Variants in KALRN observed in about 807,000 individuals in gnomAD.
The protein encoded by KALRN is kalirin RhoGEF kinase.
Under a neutral mutation model 353.7 loss-of-function variants are expected in KALRN, and 70 were observed. That is an observed-to-expected ratio of 0.20 (90% CI 0.16 to 0.24). The LOEUF is 0.24. Ranked by LOEUF, KALRN falls within the 10% of genes least tolerant of loss-of-function variation. KALRN has a pLI of 1.00. For synonymous variants in KALRN, 1,391 were observed against 1,434.8 expected (o/e 0.97, Z 0.69); for missense variants, 2,791 against 3,756.7 (o/e 0.74, Z 6.72).
At chr3:124,468,929 C>T (rs566328352) in intron 25 of KALRN, among the ~76,000 whole-genome samples, 2 of 152,282 alleles carry the variant, frequency 1.3e-5, no homozygotes, top group Admixed American at 6.5e-5. Flanking sequence ...TGATTATAGA[C>T]GTTAGGGAAT....
At chr3:124,379,617 G>T (rs1354648643) in intron 10 of KALRN, among the ~76,000 whole-genome samples, 3 of 152,132 alleles carry the variant, frequency 2.0e-5, no homozygotes, top group Non-Finnish European at 2.9e-5. Context: ...GACCCTTCTG[G>T]GTACTCCATC....
intron 14 of KALRN, among the ~76,000 whole-genome samples, chr3:124,417,498 T>C (rs1411062218): frequency 6.6e-6 from 1 of 152,224 alleles, no homozygotes; most frequent in African/African-American, 2.4e-5. Flanking sequence ...AAGTTCTCTC[T>C]TTATACAAGG....
chr3:124,314,845 G>T (rs115226672), intron 6 of KALRN, among the ~76,000 whole-genome samples: 3,709 of 152,178 alleles, frequency 0.024, 69 homozygotes, highest in Non-Finnish European at 0.038. Flanking sequence ...TGTAGATACA[G>T]GGTCTCACTA....
At chr3:124,463,783 C>T (rs543251043) in intron 25 of KALRN, among the ~76,000 whole-genome samples, 12 of 152,272 alleles carry the variant, frequency 7.9e-5, no homozygotes, top group Middle Eastern at 3.4e-3. Flanking sequence ...AGTCACTCCT[C>T]TCTCTTCACC....
At chr3:124,483,637 G>A (rs2062225701) in intron 28 of KALRN, among the ~76,000 whole-genome samples, 1 of 152,104 alleles carries the variant, frequency 6.6e-6, no homozygotes, top group Non-Finnish European at 1.5e-5. Flanking sequence ...TCGAGGCCAG[G>A]GTGGCACCTA....
At chr3:124,492,646 A>G (rs1396981901) in intron 31 of KALRN, 94 bp from the exon 32 acceptor site, 3 of 1,315,736 alleles carry the variant, frequency 2.3e-6, no homozygotes, top group Non-Finnish European at 3.1e-6. Context: ...GAATCCTTGA[A>G]AATAACAGAT....
chr3:124,192,333 A>G (rs1321703625), intron 1 of KALRN, among the ~76,000 whole-genome samples: 1 of 152,074 alleles, frequency 6.6e-6, no homozygotes, highest in African/African-American at 2.4e-5. Context: ...AAACAATTAA[A>G]CTCATGAACA....
intron 37 of KALRN, among the ~76,000 whole-genome samples, chr3:124,640,564 A>G (rs982038195): frequency 6.6e-6 from 1 of 152,124 alleles, no homozygotes; most frequent in Non-Finnish European, 1.5e-5. Flanking sequence ...GATTACAGTC[A>G]TGAGCCACCA....
rs772974571 is a variant in KALRN, at chr3:124,269,166, C to A, written c.880C>A (p.Arg294=). Residue 294 remains arginine, a synonymous_variant, in exon 5 of 60, where the codon CGG becomes AGG. Coordinates refer to ENST00000682506, the MANE Select transcript of KALRN (RefSeq NM_001388419.1). The part of the protein sequence containing the change: ...TSLLDKLHST[R]QHLHQMWHVR... ...TCTCCTGGACAAGCTGCACTCCACC[C>A]GGCAGCACCTGCACCAGATGTGGCA... 1.2e-6 allele frequency: 2 copies of A among 1,613,086 alleles called. No individual in the cohort carries two copies. Among genetic ancestry groups the A allele is most frequent in the African/African-American group, 1.3e-5 (1 of 75,046 alleles).
chr3:124,162,631 T>G (rs1467629490), intron 1 of KALRN: 1 of 152,226 alleles, frequency 6.6e-6, no homozygotes, highest in Non-Finnish European at 1.5e-5. Context: ...GGGGCCATTA[T>G]CCGATTTATA....
At chr3:124,353,537 T>C (rs1308275600) in intron 10 of KALRN, among the ~76,000 whole-genome samples, 1 of 152,148 alleles carries the variant, frequency 6.6e-6, no homozygotes, top group East Asian at 1.9e-4. Context: ...CTTTAGGATT[T>C]TCAAGGGGCA....
chr3:124,582,811 C>T (rs2074760500), intron 34 of KALRN, among the ~76,000 whole-genome samples: 1 of 151,944 alleles, frequency 6.6e-6, no homozygotes, highest in Non-Finnish European at 1.5e-5. Context: ...CTCTGTTGCC[C>T]AGGCTGGAGT....
At chr3:124,701,363 A>C (rs2062320717) in intron 56 of KALRN, among the ~76,000 whole-genome samples, 1 of 148,512 alleles carries the variant, frequency 6.7e-6, no homozygotes, top group East Asian at 2.0e-4. Flanking sequence ...TAAGAAGATA[A>C]TTTTTTCTTT....
At chr3:124,253,084 A>C (rs553419923) in intron 3 of KALRN, among the ~76,000 whole-genome samples, 57 of 152,318 alleles carry the variant, frequency 3.7e-4, no homozygotes, top group African/African-American at 1.3e-3. Flanking sequence ...CTGGTGTTTC[A>C]GAAAGTGGGT....
At chr3:124,591,870 G>A (rs1420911049) in intron 34 of KALRN, among the ~76,000 whole-genome samples, 1 of 152,230 alleles carries the variant, frequency 6.6e-6, no homozygotes, top group Admixed American at 6.5e-5. Flanking sequence ...AGTTGTCACT[G>A]TGGGGAAGAA....
intron 1 of KALRN, among the ~76,000 whole-genome samples, chr3:124,103,464 G>A (rs2062035028): frequency 6.6e-6 from 1 of 152,192 alleles, no homozygotes; most frequent in African/African-American, 2.4e-5. Context: ...CAGTATAAGT[G>A]ATGGGTTTGC....
chr3:124,584,954 C>G, intron 34 of KALRN: 1 of 1,548,832 alleles, frequency 6.5e-7, no homozygotes, highest in Non-Finnish European at 8.7e-7. Flanking sequence ...CCAGACTGGT[C>G]GCGCTCAGCG....
chr3:124,348,186 G>C (rs761236256), intron 10 of KALRN, among the ~76,000 whole-genome samples: 1 of 119,650 alleles, frequency 8.4e-6, no homozygotes, highest in African/African-American at 2.6e-5. Context: ...GGGACAGAGA[G>C]GTGGGTGCTG....
intron 38 of KALRN, among the ~76,000 whole-genome samples, chr3:124,653,318 G>T (rs939217328): frequency 1.3e-5 from 2 of 152,114 alleles, no homozygotes; most frequent in African/African-American, 4.8e-5. Context: ...TGAGAATGGA[G>T]TTACTTGTCT....
Sources: allele counts gnomAD v4.1 joint callset (sites outside exome capture counted in the v4.1 genomes callset), GRCh38; gene constraint gnomAD v4.1.1; transcripts MANE v1.5; gene names NCBI Gene and HGNC (gene_info 2026-07-23, HGNC 2026-07-21).